PTPRN2: variants seen among roughly 807,000 people sequenced by gnomAD.
PTPRN2 encodes protein tyrosine phosphatase receptor type N2, also known as receptor-type tyrosine-protein phosphatase N2.
Under a neutral mutation model 118.8 loss-of-function variants are expected in PTPRN2, and 74 were observed. That is an observed-to-expected ratio of 0.62 (90% CI 0.52 to 0.76). The LOEUF is 0.76. PTPRN2 is among the 30% of genes least tolerant of loss of function. The pLI is 0.00. For synonymous variants in PTPRN2, 641 were observed against 608.0 expected, an observed-to-expected ratio of 1.05 and a Z score of -0.80; for missense variants, 1,481 against 1,394.4, an observed-to-expected ratio of 1.06 and a Z score of -0.99.
At chr7:158,386,283 C>T (rs1161936965) in intron 2 of PTPRN2, among the ~76,000 whole-genome samples, 14 of 135,092 alleles carry the variant, frequency 1.0e-4, no homozygotes, top group African/African-American at 3.8e-4. Flanking sequence ...CTCCCGTGCC[C>T]CAAGTCCCTC....
At chr7:158,385,573 C>T (rs1010635285) in intron 2 of PTPRN2, among the ~76,000 whole-genome samples, 1 of 152,186 alleles carries the variant, frequency 6.6e-6, no homozygotes, top group Non-Finnish European at 1.5e-5. Flanking sequence ...TAAACAATTA[C>T]ATTAATGATA....
intron 3 of PTPRN2, among the ~76,000 whole-genome samples, chr7:158,227,376 G>T (rs1003955706): frequency 2.0e-5 from 3 of 152,142 alleles, no homozygotes; most frequent in African/African-American, 7.2e-5. Flanking sequence ...AAATCAGAGT[G>T]ATAAGAATCA....
At chr7:157,769,532 T>A (rs901100588) in intron 12 of PTPRN2, among the ~76,000 whole-genome samples, 1 of 152,086 alleles carries the variant, frequency 6.6e-6, no homozygotes, top group Admixed American at 6.5e-5. Context: ...CCACCACAAC[T>A]CCACTGAAGA....
intron 3 of PTPRN2, among the ~76,000 whole-genome samples, chr7:158,284,164 C>A (rs937939619): frequency 2.6e-5 from 4 of 152,246 alleles, no homozygotes; most frequent in African/African-American, 4.8e-5. Flanking sequence ...GTGTCGTGCA[C>A]AGGTGCAATC....
chr7:157,951,476 A>AG (rs1466189468), intron 11 of PTPRN2, among the ~76,000 whole-genome samples: 3 of 152,136 alleles, frequency 2.0e-5, no homozygotes, highest in Non-Finnish European at 1.5e-5. Context: ...GCTCATAGGA[A>AG]GGGACTAAGG....
At chr7:158,149,894 A>T (rs1004971923) in intron 6 of PTPRN2, among the ~76,000 whole-genome samples, 2 of 152,098 alleles carry the variant, frequency 1.3e-5, no homozygotes, top group African/African-American at 2.4e-5. Flanking sequence ...ATGCTGAACA[A>T]AAAGTGGCAA....
At chr7:158,134,175 G>A in intron 8 of PTPRN2, 116 bp from the exon 9 acceptor site, 1 of 1,196,170 alleles carries the variant, frequency 8.4e-7, no homozygotes, top group Non-Finnish European at 1.2e-6. Context: ...CAGCCTGGAA[G>A]GAGAGTGTGG....
chr7:157,913,345 G>A (rs750704459), intron 11 of PTPRN2, among the ~76,000 whole-genome samples: 7 of 152,064 alleles, frequency 4.6e-5, no homozygotes, highest in African/African-American at 9.7e-5. Context: ...TAATGAGGCC[G>A]TCTGTGAATA....
At chr7:158,019,849 C>T (rs1043707864) in intron 11 of PTPRN2, among the ~76,000 whole-genome samples, 1 of 152,260 alleles carries the variant, frequency 6.6e-6, no homozygotes, top group South Asian at 2.1e-4. Context: ...GTGGCTGGGG[C>T]CGCACAGACA....
chr7:158,383,556 C>T (rs78316992), intron 2 of PTPRN2, among the ~76,000 whole-genome samples: 9,870 of 152,018 alleles, frequency 0.065, 327 homozygotes, highest in Middle Eastern at 0.12. Flanking sequence ...AAATAGCCTC[C>T]GGGATCCCAA....
chr7:157,731,533 G>T (rs1189831212), intron 12 of PTPRN2, among the ~76,000 whole-genome samples: 9 of 138,234 alleles, frequency 6.5e-5, no homozygotes, highest in Non-Finnish European at 8.0e-5. Context: ...CGTCCCATGC[G>T]CCCAGCACAG....
chr7:158,354,864 C>T lies in PTPRN2; in HGVS notation c.164-37932G>A, dbSNP rs1808267657. Among the ~76,000 whole-genome samples the T allele has an allele frequency of 2.0e-5, 3 of 152,184 alleles. No homozygotes were observed. The South Asian group carries it at 6.2e-4, about 31-fold the overall frequency. On this transcript the variant is annotated intron_variant, in intron 2 of 22. Coordinates refer to ENST00000389418, the MANE Select transcript of PTPRN2 (RefSeq NM_002847.5). ...AGATTCAACCCAAATATGACCACCT[C>T]AGGCTTTTAATAATTAAACTGTCAA...
intron 5 of PTPRN2, among the ~76,000 whole-genome samples, chr7:158,173,420 TA>T: frequency 6.6e-6 from 1 of 152,266 alleles, no homozygotes; most frequent in South Asian, 2.1e-4. Flanking sequence ...AGCAAGTTTT[TA>T]TTAGGGATTT....
intron 12 of PTPRN2, among the ~76,000 whole-genome samples, chr7:157,790,986 GCAC>G (rs987121595): frequency 8.5e-5 from 13 of 152,134 alleles, no homozygotes; most frequent in African/African-American, 3.1e-4. Flanking sequence ...TACTGCTGTT[GCAC>G]ATGCAAACTG....
chr7:157,803,976 A>G (rs868185682), intron 12 of PTPRN2, among the ~76,000 whole-genome samples: 3 of 152,236 alleles, frequency 2.0e-5, no homozygotes. Context: ...ACATTTTCTA[A>G]AAGTTCCTCA....
At position 157,780,681 on chromosome 7, in the gene PTPRN2, T is replaced by C. The variant is rs1165467867; in HGVS notation, c.1789-97744A>G. Among the ~76,000 whole-genome samples the C allele has an allele frequency of 6.6e-6, 1 of 152,138 alleles. No individual in the cohort carries two copies. The highest frequency in any genetic ancestry group is 1.5e-5 in the Non-Finnish European group (1 of 68,020). Reference sequence around the variant, plus strand: ...ATGGGGCTTCACCCATTTCGCAGGGTGGTCACGGGTATTCCCTATGTTGGA... The same window carrying C: ...ATGGGGCTTCACCCATTTCGCAGGGCGGTCACGGGTATTCCCTATGTTGGA... On this transcript the variant is annotated intron_variant, in intron 12 of 22. Transcript: ENST00000389418. This position sits in a 1 kb window ranked among gnomAD's most constrained non-coding sequence, Gnocchi z 4.5.
rs1801860205 is a variant in PTPRN2 at position 157,604,044 on chromosome 7, C to T, written c.2376G>A (p.Glu792=). The T allele has an allele frequency of 6.2e-7, 1 of 1,613,830 alleles. No homozygotes were observed. The highest frequency in any genetic ancestry group is 2.2e-5 in the East Asian group (1 of 44,888). Reference sequence around the variant, plus strand: ...TGTAGTCTGAGTGGCTGTGGCTGTTCTCCGCCTTCAGCAGGACCCGGGAGT... The same window carrying T: ...TGTAGTCTGAGTGGCTGTGGCTGTTTTCCGCCTTCAGCAGGACCCGGGAGT... The part of the protein sequence containing the change: ...YDHSRVLLKA[E]NSHSHSDYIN... The change falls in exon 16 of 23, where the codon GAG becomes GAA. Residue 792 remains glutamate, a synonymous_variant. Coordinates refer to ENST00000389418, the MANE Select transcript of PTPRN2 (RefSeq NM_002847.5).
intron 14 of PTPRN2, among the ~76,000 whole-genome samples, chr7:157,631,376 C>T (rs1803932443): frequency 1.3e-5 from 2 of 152,164 alleles, no homozygotes; most frequent in African/African-American, 4.8e-5. Context: ...GGGAACGCTA[C>T]TGAACTATCT....
At chr7:158,073,800 G>C (rs988740427) in intron 11 of PTPRN2, among the ~76,000 whole-genome samples, 1 of 152,194 alleles carries the variant, frequency 6.6e-6, no homozygotes, top group East Asian at 1.9e-4. Flanking sequence ...GTGAAAACAG[G>C]CATGGCAGCC....
Sources: gnomAD v4.1 joint callset for allele counts (sites outside exome capture counted in the v4.1 genomes callset) on GRCh38, gnomAD v4.1.1 for gene constraint, Gnocchi (gnomAD v3.1) non-coding constraint, MANE v1.5 for transcripts, NCBI Gene and HGNC (gene_info 2026-07-23, HGNC 2026-07-21) for gene names.